NRBF2: variants seen among roughly 807,000 people sequenced by gnomAD.
The protein encoded by NRBF2 is nuclear receptor binding factor 2.
A neutral mutation model predicts 28.5 loss-of-function variants in NRBF2; 12 were observed. The ratio of observed to expected loss-of-function variants is 0.42; its 90% CI spans 0.27 to 0.68. The LOEUF (loss-of-function observed/expected upper bound fraction) is 0.68, where lower values mean the gene tolerates loss of function less well. Among genes scored for constraint, NRBF2 ranks in the 30% least tolerant of loss-of-function variants. The pLI, the probability that NRBF2 is intolerant of heterozygous loss-of-function variation, is 0.24. For synonymous variants in NRBF2, 102 were observed against 116.5 expected (o/e 0.88, Z 0.80); for missense variants, 274 against 333.5 (o/e 0.82, Z 1.39).
At chr10:63,137,924 C>T (rs1349357096) in intron 1 of NRBF2, among the ~76,000 whole-genome samples, 1 of 152,048 alleles carries the variant, frequency 6.6e-6, no homozygotes, top group East Asian at 1.9e-4. Flanking sequence ...TGGCATCGGG[C>T]ACGTTATGTA....
At position 63,133,346 on chromosome 10, in the gene NRBF2, G is replaced by A; in HGVS notation, c.-125G>A. Reference sequence around the variant, plus strand: ...GGTTGTTGCTCCTTCAGCGCCTATCGCTGGCTCTTGGGGCGCAGAGAGGGG... The same window carrying A: ...GGTTGTTGCTCCTTCAGCGCCTATCACTGGCTCTTGGGGCGCAGAGAGGGG... On this transcript the variant is annotated 5_prime_UTR_variant, in exon 1 of 4. Transcript: ENST00000277746. 2 of 1,150,072 alleles carry A rather than the reference G, an allele frequency of 1.7e-6. No individual in the cohort carries two copies. The highest frequency in any genetic ancestry group is 2.5e-6 in the Non-Finnish European group (2 of 792,720). 71.2% of individuals were successfully genotyped at this position (1,150,072 alleles called of 1,614,324 possible). A position where few individuals can be genotyped will look rare whatever the true frequency, so the allele number is the denominator to read the frequency against.
chr10:63,152,456 C>T (rs1370670024), intron 3 of NRBF2, among the ~76,000 whole-genome samples: 4 of 152,212 alleles, frequency 2.6e-5, no homozygotes, highest in Non-Finnish European at 5.9e-5. Flanking sequence ...TTTTAGAGAG[C>T]CCTCTTCGGA....
rs184507872 is a variant in NRBF2, at chr10:63,136,226, G to A, written c.30+2726G>A. Among the ~76,000 whole-genome samples the A allele has an allele frequency of 1.3e-4, 19 of 150,930 alleles. No individual in the cohort carries two copies. In the South Asian group the frequency reaches 3.6e-3, roughly 28 times the overall value. ...GGGCTCACTGCAGCCTCCACCTCCC[G>A]GGTTCAAGCAGTTCTCTGCCTCAGC... is the stretch of plus-strand genomic sequence containing the variant. On this transcript the variant is annotated intron_variant, in intron 1 of 3. Transcript: ENST00000277746.
intron 1 of NRBF2, among the ~76,000 whole-genome samples, chr10:63,134,345 AAGTC>A (rs1353364899): frequency 6.6e-6 from 1 of 152,208 alleles, no homozygotes; most frequent in Non-Finnish European, 1.5e-5. Flanking sequence ...TTGGATGTAA[AAGTC>A]AGATTACTTA....
chr10:63,142,779 TC>T (rs1289837354), intron 1 of NRBF2, among the ~76,000 whole-genome samples: 4 of 96,624 alleles, frequency 4.1e-5, no homozygotes, highest in South Asian at 3.9e-4. Context: ...TTTCTTTCTT[TC>T]TTTTTTTTTT....
intron 1 of NRBF2, among the ~76,000 whole-genome samples, chr10:63,144,878 C>A (rs972150573): frequency 2.0e-4 from 31 of 152,100 alleles, no homozygotes; most frequent in African/African-American, 7.0e-4. Flanking sequence ...TTTTGTGAAG[C>A]TGTGAAGCTT....
chr10:63,142,063 C>T (rs542420467), intron 1 of NRBF2, among the ~76,000 whole-genome samples: 143 of 152,126 alleles, frequency 9.4e-4, no homozygotes, highest in Admixed American at 7.0e-3. Flanking sequence ...GAATTTATTC[C>T]GTCATCACAG....
intron 1 of NRBF2, 45 bp downstream of exon 1, chr10:63,133,545 C>T (rs2132671954): frequency 1.4e-6 from 2 of 1,450,130 alleles, no homozygotes; most frequent in African/African-American, 1.4e-5. Flanking sequence ...GTGCCTTTGC[C>T]TCAGGAGCCC....
chr10:63,153,269 G>T (rs1188208985), intron 3 of NRBF2, among the ~76,000 whole-genome samples: 4 of 152,186 alleles, frequency 2.6e-5, no homozygotes, highest in Non-Finnish European at 5.9e-5. Context: ...ACAGAGGAAA[G>T]ATTTCTAATT....
intron 2 of NRBF2, among the ~76,000 whole-genome samples, chr10:63,146,692 T>C (rs1301060303): frequency 6.6e-6 from 1 of 152,244 alleles, no homozygotes; most frequent in Non-Finnish European, 1.5e-5. Context: ...TTCTGTTTTC[T>C]AACATGCTGA....
At chr10:63,148,488 T>TTA (rs1841597810) in intron 2 of NRBF2, among the ~76,000 whole-genome samples, 1 of 152,188 alleles carries the variant, frequency 6.6e-6, no homozygotes, top group African/African-American at 2.4e-5. Context: ...GGAAATCATT[T>TTA]TAGAGATGTG....
Position 63,154,849 on chromosome 10 carries a change from T to A in NRBF2, c.*631T>A, listed in dbSNP as rs574581403. On this transcript the variant is annotated 3_prime_UTR_variant, in exon 4 of 4. Coordinates refer to ENST00000277746, the MANE Select transcript of NRBF2 (RefSeq NM_030759.5). ...AATTATTATGCTTTTTAAAACAAAT[T>A]ACCAGTTTACATAATTAATCAGGGT... is the stretch of plus-strand genomic sequence containing the variant. The A allele has an allele frequency of 6.5e-6, 1 of 152,784 alleles. No individual in the cohort carries two copies. The highest frequency in any genetic ancestry group is 2.4e-5 in the African/African-American group (1 of 41,584). The allele number at this position is 152,784 out of a possible 1,614,324, so 9.5% of individuals were successfully genotyped here.
intron 1 of NRBF2, among the ~76,000 whole-genome samples, chr10:63,139,787 C>G (rs548279410): frequency 6.6e-6 from 1 of 152,026 alleles, no homozygotes; most frequent in Non-Finnish European, 1.5e-5. Context: ...ATTGTCTGCT[C>G]CTAAGTTTGA....
chr10:63,136,403 A>G (rs978354359), intron 1 of NRBF2, among the ~76,000 whole-genome samples: 4 of 152,156 alleles, frequency 2.6e-5, no homozygotes, highest in Non-Finnish European at 5.9e-5. Context: ...TGAAAATTCC[A>G]CTAGTATTAT....
At chr10:63,138,457 C>T (rs1049073974) in intron 1 of NRBF2, among the ~76,000 whole-genome samples, 29 of 150,954 alleles carry the variant, frequency 1.9e-4, no homozygotes, top group African/African-American at 7.0e-4. Context: ...GCACTGCAGC[C>T]TGAGCGACTG....
chr10:63,135,943 G>A (rs1026132529), intron 1 of NRBF2, among the ~76,000 whole-genome samples: 3 of 151,840 alleles, frequency 2.0e-5, no homozygotes, highest in Non-Finnish European at 2.9e-5. Context: ...CGTGCCCGGC[G>A]GACACCTTGA....
Position 63,153,880 on chromosome 10 carries a change from G to A in NRBF2, c.526G>A (p.Ala176Thr), listed in dbSNP as rs376486226. 4.0e-5 allele frequency: 64 copies of A among 1,611,930 alleles called. 1 individual carries two copies. The Middle Eastern group carries it at 6.5e-4, about 16-fold the overall frequency. ...TIIEEQATKI[A>T]DLKRHVEFLV... Reference sequence around the variant, plus strand: ...TATAGAGGAGCAGGCAACCAAAATTGCAGATTTGAAGAGGCATGTGGAATT... The same window carrying A: ...TATAGAGGAGCAGGCAACCAAAATTACAGATTTGAAGAGGCATGTGGAATT... Residue 176 changes from alanine to threonine, a missense_variant, in exon 4 of 4, where the codon GCA (alanine) becomes ACA (threonine). Transcript: ENST00000277746.
intron 1 of NRBF2, among the ~76,000 whole-genome samples, chr10:63,138,540 C>T (rs371743551): frequency 6.7e-6 from 1 of 149,460 alleles, no homozygotes; most frequent in African/African-American, 2.5e-5. Context: ...GTCAGGAGAT[C>T]GAGACCATTC....
intron 1 of NRBF2, among the ~76,000 whole-genome samples, chr10:63,134,210 G>T (rs1156673023): frequency 6.6e-6 from 1 of 152,132 alleles, no homozygotes. Flanking sequence ...GTTTACTTGT[G>T]TTTTAAGGCG....
Sources: gnomAD v4.1 joint callset for allele counts (sites outside exome capture counted in the v4.1 genomes callset) on GRCh38, gnomAD v4.1.1 for gene constraint, MANE v1.5 for transcripts, NCBI Gene and HGNC (gene_info 2026-07-23, HGNC 2026-07-21) for gene names.